Variants in RALYL observed in about 807,000 individuals in gnomAD.
RALYL encodes the protein RNA-binding Raly-like protein.
A neutral mutation model predicts 35.1 loss-of-function variants in RALYL; 29 were observed. That is an observed-to-expected ratio of 0.83 (90% CI 0.61 to 1.13). The LOEUF (loss-of-function observed/expected upper bound fraction) is 1.13, where lower values mean the gene tolerates loss of function less well. Ranked by LOEUF, RALYL falls within the 50% of genes most tolerant of loss-of-function variation. The pLI, the probability that RALYL is intolerant of heterozygous loss-of-function variation, is 0.00. For synonymous variants in RALYL, 120 were observed against 127.6 expected, an observed-to-expected ratio of 0.94 and a Z score of 0.40; for missense variants, 359 against 360.4, an observed-to-expected ratio of 1.00 and a Z score of 0.03.
chr8:84,582,791 G>C (rs778274643), intron 2 of RALYL, among the ~76,000 whole-genome samples: 3 of 151,956 alleles, frequency 2.0e-5, no homozygotes, highest in Admixed American at 6.6e-5. Context: ...CTCTATAATT[G>C]TTGGTGTGGT....
chr8:84,353,499 CTAAA>C (rs910062627), intron 1 of RALYL, among the ~76,000 whole-genome samples: 6 of 150,336 alleles, frequency 4.0e-5, no homozygotes, highest in African/African-American at 1.2e-4. Context: ...ATCCCTTCAC[CTAAA>C]TAGATTCCAG....
At chr8:84,253,062 C>T (rs959426982) in intron 1 of RALYL, among the ~76,000 whole-genome samples, 3 of 150,924 alleles carry the variant, frequency 2.0e-5, no homozygotes, top group Non-Finnish European at 4.4e-5. Flanking sequence ...TTGACTAAAA[C>T]TACTTCTTTA....
chr8:84,792,605 G>C (rs547331133), intron 3 of RALYL, among the ~76,000 whole-genome samples: 1 of 152,150 alleles, frequency 6.6e-6, no homozygotes, highest in Admixed American at 6.5e-5. Flanking sequence ...CCCTTCGCTG[G>C]GGAACCACCT....
intron 1 of RALYL, among the ~76,000 whole-genome samples, chr8:84,426,491 A>G (rs939540236): frequency 2.7e-5 from 4 of 147,926 alleles, no homozygotes; most frequent in African/African-American, 9.9e-5. Context: ...GATTTCACAT[A>G]TAAGTGAGAT....
At chr8:84,428,003 A>C (rs1261053416) in intron 1 of RALYL, among the ~76,000 whole-genome samples, 2 of 151,970 alleles carry the variant, frequency 1.3e-5, no homozygotes, top group Non-Finnish European at 2.9e-5. Flanking sequence ...CCTTACCTGT[A>C]AAATAAAGAT....
chr8:84,703,292 C>T (rs115079340), intron 2 of RALYL, among the ~76,000 whole-genome samples: 1,552 of 152,056 alleles, frequency 0.01, 22 homozygotes, highest in African/African-American at 0.034. Flanking sequence ...TGCACTGAGG[C>T]GAGAAAAGTA....
At chr8:84,736,639 C>A (rs1435008552) in intron 2 of RALYL, among the ~76,000 whole-genome samples, 3 of 151,924 alleles carry the variant, frequency 2.0e-5, no homozygotes, top group African/African-American at 7.2e-5. Flanking sequence ...TATAATTACT[C>A]CATTTGAAAT....
At chr8:84,300,891 G>T (rs1174493450) in intron 1 of RALYL, among the ~76,000 whole-genome samples, 2 of 151,966 alleles carry the variant, frequency 1.3e-5, no homozygotes, top group African/African-American at 4.8e-5. Context: ...TATATTCAAG[G>T]TTAATATTGA....
chr8:84,523,155 A>G (rs992805917), intron 1 of RALYL, among the ~76,000 whole-genome samples: 19 of 152,210 alleles, frequency 1.2e-4, no homozygotes, highest in African/African-American at 4.6e-4. Flanking sequence ...GATAAAGGAA[A>G]GGGGTTTAAT....
At chr8:84,225,732 G>T (rs1394712959) in intron 1 of RALYL, among the ~76,000 whole-genome samples, 1 of 151,860 alleles carries the variant, frequency 6.6e-6, no homozygotes, top group African/African-American at 2.4e-5. Flanking sequence ...CCACCTTCAC[G>T]GTGTCCTCTT....
At chr8:84,718,107 T>C (rs1843239436) in intron 2 of RALYL, among the ~76,000 whole-genome samples, 1 of 152,188 alleles carries the variant, frequency 6.6e-6, no homozygotes, top group African/African-American at 2.4e-5. Flanking sequence ...TTGTTATGTC[T>C]TGGGAAATTT....
At chr8:84,873,426 A>G (rs1409807801) in intron 7 of RALYL, 29 bp downstream of exon 7, 1 of 1,341,414 alleles carries the variant, frequency 7.5e-7, no homozygotes, top group South Asian at 1.2e-5. Flanking sequence ...CAGACAGGTC[A>G]GAATTGAACC....
At chr8:84,423,882 C>T (rs1220326175) in intron 1 of RALYL, among the ~76,000 whole-genome samples, 1 of 151,630 alleles carries the variant, frequency 6.6e-6, no homozygotes, top group Non-Finnish European at 1.5e-5. Context: ...TTGGCCCCCA[C>T]TCTCTTCTGG....
At chr8:84,646,235 A>G (rs1416322871) in intron 2 of RALYL, among the ~76,000 whole-genome samples, 3 of 150,594 alleles carry the variant, frequency 2.0e-5, no homozygotes, top group African/African-American at 7.3e-5. Context: ...TTTATTCAAT[A>G]CCCTTTATAA....
At chr8:84,396,421 A>G (rs1481247747) in intron 1 of RALYL, among the ~76,000 whole-genome samples, 1 of 152,116 alleles carries the variant, frequency 6.6e-6, no homozygotes. Context: ...AAACTCTGGT[A>G]AGATAAAAGT....
chr8:84,912,471 AAAGTT>A (rs1847670860), intron 8 of RALYL, among the ~76,000 whole-genome samples: 1 of 152,114 alleles, frequency 6.6e-6, no homozygotes. Context: ...AAAGTTTATT[AAAGTT>A]ATGTGCACAT....
At chr8:84,565,191 A>T (rs2061699697) in intron 2 of RALYL, among the ~76,000 whole-genome samples, 1 of 151,642 alleles carries the variant, frequency 6.6e-6, no homozygotes, top group Admixed American at 6.6e-5. Flanking sequence ...TATGTAGTTA[A>T]TGACAAAATA....
chr8:84,296,991 A>G (rs550643646), intron 1 of RALYL, among the ~76,000 whole-genome samples: 59 of 152,000 alleles, frequency 3.9e-4, no homozygotes, highest in Non-Finnish European at 6.9e-4. Flanking sequence ...GAAGAAACTG[A>G]AAGACTTTGA....
intron 8 of RALYL, among the ~76,000 whole-genome samples, chr8:84,895,245 G>A (rs1431697142): frequency 6.6e-6 from 1 of 151,626 alleles, no homozygotes; most frequent in Non-Finnish European, 1.5e-5. Flanking sequence ...AAAGAAATCA[G>A]TACCATTATT....
Sources: allele counts gnomAD v4.1 joint callset (sites outside exome capture counted in the v4.1 genomes callset), GRCh38; gene constraint gnomAD v4.1.1; transcripts MANE v1.5; gene names NCBI Gene and HGNC (gene_info 2026-07-23, HGNC 2026-07-21).